ACTA2: variants seen among roughly 807,000 people sequenced by gnomAD.
ACTA2 encodes actin, aortic smooth muscle.
ACTA2 carries 12 observed loss-of-function variants against 39.5 expected under a neutral mutation model. That is an observed-to-expected ratio of 0.30 (90% CI 0.19 to 0.49). The LOEUF (loss-of-function observed/expected upper bound fraction) is 0.49. ACTA2 is among the 20% of genes least tolerant of loss of function. ACTA2 has a pLI of 0.99. For synonymous variants in ACTA2, 158 were observed against 180.6 expected (o/e 0.88, Z 1.00); for missense variants, 236 against 498.8 (o/e 0.47, Z 5.02).
At chr10:88,936,719 C>A (rs537522119) in intron 8 of ACTA2, among the ~76,000 whole-genome samples, 3 of 152,236 alleles carry the variant, frequency 2.0e-5, no homozygotes, top group African/African-American at 7.2e-5. Flanking sequence ...AACTGTGAGC[C>A]AGTTAAACCT....
At chr10:88,983,794 T>TTCAGAAAG (rs1846787452) in intron 1 of ACTA2, among the ~76,000 whole-genome samples, 1 of 152,148 alleles carries the variant, frequency 6.6e-6, no homozygotes, top group Admixed American at 6.5e-5. Context: ...TTGAAGAAAT[T>TTCAGAAAG]TCAGAAAGAA....
chr10:88,941,912 C>A, intron 4 of ACTA2, 43 bp from the exon 5 acceptor site: 1 of 1,561,900 alleles, frequency 6.4e-7, no homozygotes, highest in Middle Eastern at 1.7e-4. Context: ...AGGTGCCCAT[C>A]TGACAAAGAA....
At chr10:88,942,106 A>T (rs1845866676) in intron 4 of ACTA2, among the ~76,000 whole-genome samples, 1 of 152,210 alleles carries the variant, frequency 6.6e-6, no homozygotes, top group Admixed American at 6.5e-5. Context: ...CAGTGTGCAC[A>T]CAAGGTTTGG....
At position 88,946,718 on chromosome 10, in the gene ACTA2, T is replaced by G. The variant is rs991486984; in HGVS notation, c.258+540A>C. 3 of 152,026 alleles carry G rather than the reference T, an allele frequency of 2.0e-5. No homozygotes were observed. The South Asian group carries it at 6.3e-4, about 32-fold the overall frequency. 9.4% of individuals were successfully genotyped at this position (152,026 alleles called of 1,614,324 possible). A position where few individuals can be genotyped will look rare whatever the true frequency, so the allele number is the denominator to read the frequency against. On this transcript the variant is annotated intron_variant, in intron 3 of 8. Transcript: ENST00000224784. ...GGGATTTTTTTTTAAAGAAACATTT[T>G]AGGATTTTTTTTTCTTTTTTTTTTA...
intron 3 of ACTA2, among the ~76,000 whole-genome samples, chr10:88,944,287 G>A (rs750892128): frequency 3.9e-5 from 6 of 152,126 alleles, no homozygotes; most frequent in Non-Finnish European, 8.8e-5. Flanking sequence ...ATAGGGAGAT[G>A]AAAATAATTA....
At chr10:88,988,443 T>TTA (rs1554846019) in intron 1 of ACTA2, among the ~76,000 whole-genome samples, 3 of 142,368 alleles carry the variant, frequency 2.1e-5, no homozygotes, top group Non-Finnish European at 4.6e-5. Flanking sequence ...TTTTGTTTTT[T>TTA]ATCTTAACTC....
chr10:88,963,375 A>G (rs978105431), intron 1 of ACTA2, among the ~76,000 whole-genome samples: 2 of 152,082 alleles, frequency 1.3e-5, no homozygotes, highest in Non-Finnish European at 2.9e-5. Context: ...TACTTATTAC[A>G]TAGATAATAA....
At chr10:88,957,441 T>C (rs1361872323), upstream of ACTA2, among the ~76,000 whole-genome samples, 1 of 152,180 alleles carries the variant, frequency 6.6e-6, no homozygotes, top group East Asian at 1.9e-4. Context: ...AAAGATGTTT[T>C]AAATTCCTGG....
chr10:88,939,664 T>G lies in ACTA2; in HGVS notation c.651A>C (p.Lys217Asn). The change falls in exon 7 of 9, where the codon AAA (lysine) becomes AAC (asparagine). Residue 217 changes from lysine (K) to asparagine (N), a missense_variant. Coordinates refer to ENST00000224784, the MANE Select transcript of ACTA2 (RefSeq NM_001613.4). ...CAAAGTCCAGAGCTACATAACACAGTTTCTCCTTGATGTCCCGGACAATCT... is the reference window on the plus strand; with the variant it reads ...CAAAGTCCAGAGCTACATAACACAGGTTCTCCTTGATGTCCCGGACAATCT... ...EREIVRDIKE[K>N]LCYVALDFEN... 6.2e-7 allele frequency: 1 copy of G among 1,613,906 alleles called. No individual in the cohort carries two copies. The highest frequency in any genetic ancestry group is 2.2e-5 in the East Asian group (1 of 44,822).
At chr10:88,955,800 GACTTTGTGTAAAGGCAAA>G (rs1846128988), upstream of ACTA2, among the ~76,000 whole-genome samples, 1 of 152,188 alleles carries the variant, frequency 6.6e-6, no homozygotes, top group Non-Finnish European at 1.5e-5. Flanking sequence ...CTCAGACCTT[GACTTTGTGTAAAGGCAAA>G]CATTTTGGAT....
chr10:88,935,505 A>G (rs994981043), intron 8 of ACTA2, 139 bp from the exon 9 acceptor site: 17 of 933,272 alleles, frequency 1.8e-5, no homozygotes, highest in African/African-American at 6.5e-5. Context: ...TTAGATGCCA[A>G]TTGTGTCCTA....
upstream of ACTA2, among the ~76,000 whole-genome samples, chr10:88,953,436 G>C (rs969694282): frequency 1.1e-4 from 17 of 152,144 alleles, no homozygotes; most frequent in Admixed American, 1.1e-3. Context: ...TGGTGCATTA[G>C]CTTTGTCTAC....
At position 88,941,353 on chromosome 10, in the gene ACTA2, A is replaced by G. The variant is rs1468907232; in HGVS notation, c.492T>C (p.Asn164=). 2 of 1,613,958 alleles carry G rather than the reference A, an allele frequency of 1.2e-6. No individual in the cohort carries two copies. Among genetic ancestry groups the G allele is most frequent in the Admixed American group, 1.7e-5 (1 of 60,008 alleles). ...VLDSGDGVTH[N]VPIYEGYALP... ...AGGCATAGCCCTCATAGATGGGGAC[A>G]TTGTGGGTGACACCATCTCCAGAGT... The change falls in exon 6 of 9, where the codon AAT becomes AAC. Residue 164 remains asparagine (N), a synonymous_variant. Coordinates refer to ENST00000224784, the MANE Select transcript of ACTA2 (RefSeq NM_001613.4).
chr10:88,939,410 T>C, intron 7 of ACTA2, 97 bp downstream of exon 7: 2 of 1,517,096 alleles, frequency 1.3e-6, no homozygotes, highest in Admixed American at 3.3e-5. Flanking sequence ...CTTTTGGTCT[T>C]GGGGCAACCG....
chr10:88,959,603 A>T (rs1469641530), intron 1 of ACTA2, among the ~76,000 whole-genome samples: 2 of 152,218 alleles, frequency 1.3e-5, no homozygotes, highest in East Asian at 3.8e-4. Flanking sequence ...CATGTACCCT[A>T]CACCTAGTTT....
intron 1 of ACTA2, among the ~76,000 whole-genome samples, chr10:88,978,821 T>C (rs961121204): frequency 1.3e-5 from 2 of 152,186 alleles, no homozygotes; most frequent in African/African-American, 2.4e-5. Context: ...CAAAAAGCCT[T>C]CTATGACACC....
intron 1 of ACTA2, among the ~76,000 whole-genome samples, chr10:88,970,614 T>C (rs1846417681): frequency 6.6e-6 from 1 of 152,176 alleles, no homozygotes; most frequent in South Asian, 2.1e-4. Context: ...AGCATTAGAA[T>C]TCCCCATTTA....
At chr10:88,974,471 G>T (rs141715056) in intron 1 of ACTA2, 61 of 152,216 alleles carry the variant, frequency 4.0e-4, no homozygotes, top group Non-Finnish European at 6.3e-4. Flanking sequence ...AATGTTGGTG[G>T]TCTTTTAAAA....
In ACTA2 at chr10:88,990,028, A is replaced by T. The variant is rs1338620363; in HGVS notation, c.-24+911T>A. On this transcript the variant is annotated intron_variant, in intron 1 of 4. Transcript: ENST00000415557. This position sits in a 1 kb window ranked among gnomAD's most constrained non-coding sequence, Gnocchi z 4.9. ...TTTAAAGAAAATTGGCCAGGAAATA[A>T]TGAGTAACGAAGGACAGGAAGTAAT... Among the ~76,000 whole-genome samples the T allele has an allele frequency of 6.6e-6, 1 of 152,226 alleles. No homozygotes were observed. Among genetic ancestry groups the T allele is most frequent in the African/African-American group, 2.4e-5 (1 of 41,460 alleles).
Sources: gnomAD v4.1 joint callset for allele counts (sites outside exome capture counted in the v4.1 genomes callset) on GRCh38, gnomAD v4.1.1 for gene constraint, Gnocchi (gnomAD v3.1) non-coding constraint, MANE v1.5 for transcripts, NCBI Gene and HGNC (gene_info 2026-07-23, HGNC 2026-07-21) for gene names.